NUBPL: variants seen among roughly 807,000 people sequenced by gnomAD.
NUBPL encodes the protein NUBP iron-sulfur cluster assembly factor, mitochondrial, also known as iron-sulfur cluster transfer protein NUBPL.
Under a neutral mutation model 45.7 loss-of-function variants are expected in NUBPL, and 31 were observed. The ratio of observed to expected loss-of-function variants is 0.68; its 90% CI spans 0.51 to 0.92. The LOEUF is 0.92. Among genes scored for constraint, NUBPL ranks in the 40% least tolerant of loss-of-function variants. NUBPL has a pLI of 0.00. For synonymous variants in NUBPL, 144 were observed against 140.9 expected (o/e 1.02, Z -0.15); for missense variants, 401 against 398.7 (o/e 1.01, Z -0.05).
chr14:31,602,406 A>C (rs1415884519), intron 4 of NUBPL, among the ~76,000 whole-genome samples: 1 of 37,798 alleles, frequency 2.6e-5, no homozygotes, highest in Non-Finnish European at 4.2e-5. Context: ...AAAAAAAAAG[A>C]AAAAAAAAGC....
chr14:31,754,696 ATT>A (rs528403331), intron 6 of NUBPL, among the ~76,000 whole-genome samples: 71 of 136,358 alleles, frequency 5.2e-4, no homozygotes, highest in Non-Finnish European at 9.3e-4. Flanking sequence ...CAAAAAAAAA[ATT>A]TTTTTTATTA....
chr14:31,850,730 C>G (rs1419785540), intron 10 of NUBPL, among the ~76,000 whole-genome samples: 2 of 152,032 alleles, frequency 1.3e-5, no homozygotes, highest in Non-Finnish European at 2.9e-5. Context: ...AAGCAATCTT[C>G]GCATCTCACC....
chr14:31,664,469 C>G (rs2036355237), intron 4 of NUBPL, among the ~76,000 whole-genome samples: 1 of 152,128 alleles, frequency 6.6e-6, no homozygotes, highest in East Asian at 1.9e-4. Context: ...TGTTGAAGGT[C>G]TTTTCTGCAT....
chr14:31,790,514 C>T (rs1274362002), intron 7 of NUBPL, among the ~76,000 whole-genome samples: 1 of 152,142 alleles, frequency 6.6e-6, no homozygotes, highest in Non-Finnish European at 1.5e-5. Context: ...CTGTCCATCA[C>T]CAGAGCCTTC....
At chr14:31,710,252 C>T (rs551031680) in intron 6 of NUBPL, among the ~76,000 whole-genome samples, 120 of 152,176 alleles carry the variant, frequency 7.9e-4, no homozygotes, top group East Asian at 2.5e-3. Context: ...CAAAACCGCC[C>T]GCAGATTTGG....
At chr14:31,601,071 C>T (rs1288395467) in intron 4 of NUBPL, among the ~76,000 whole-genome samples, 24 of 152,022 alleles carry the variant, frequency 1.6e-4, no homozygotes, top group Non-Finnish European at 3.2e-4. Context: ...CGTAGATATG[C>T]GGCGTTATTT....
intron 3 of NUBPL, among the ~76,000 whole-genome samples, chr14:31,597,935 TTC>T (rs2034326093): frequency 6.6e-6 from 1 of 152,082 alleles, no homozygotes; most frequent in African/African-American, 2.4e-5. Context: ...AGCTAAATTC[TTC>T]TGTTTGTGGT....
Position 31,640,128 on chromosome 14 carries a change from T to G in NUBPL, c.383-33227T>G, listed in dbSNP as rs1447420684. ...CACTGTCAGGCACTCCCTAGTGAGA[T>G]GAACCCGGTACCTCAGATGGAAATG... On this transcript the variant is annotated intron_variant, in intron 4 of 10. Coordinates refer to ENST00000281081, the MANE Select transcript of NUBPL (RefSeq NM_025152.3). Among the ~76,000 whole-genome samples the G allele has an allele frequency of 4.6e-5, 7 of 152,196 alleles. 1 individual carries two copies.
chr14:31,671,015 A>T (rs536244602), intron 4 of NUBPL, among the ~76,000 whole-genome samples: 28 of 152,218 alleles, frequency 1.8e-4, no homozygotes, highest in African/African-American at 6.7e-4. Context: ...GAAGAATGTC[A>T]TTGGTAGATT....
chr14:31,822,992 TA>T (rs1183317993), intron 7 of NUBPL, among the ~76,000 whole-genome samples: 1 of 152,154 alleles, frequency 6.6e-6, no homozygotes, highest in African/African-American at 2.4e-5. Flanking sequence ...AACATTTTAA[TA>T]AAACTTTTAT....
intron 7 of NUBPL, among the ~76,000 whole-genome samples, chr14:31,808,213 C>G (rs1370293497): frequency 1.3e-5 from 2 of 152,280 alleles, no homozygotes; most frequent in South Asian, 4.2e-4. Flanking sequence ...TTCCCTTGGG[C>G]AGTATGGCCA....
chr14:31,643,429 CTGTTGATGTGATGTATTACA>C, intron 4 of NUBPL, among the ~76,000 whole-genome samples: 1 of 152,134 alleles, frequency 6.6e-6, no homozygotes, highest in African/African-American at 2.4e-5. Context: ...CCTCTTAGTT[CTGTTGATGTGATGTATTACA>C]TGTATTGATT....
intron 6 of NUBPL, among the ~76,000 whole-genome samples, chr14:31,772,881 T>C (rs2039033925): frequency 6.6e-6 from 1 of 152,210 alleles, no homozygotes; most frequent in Admixed American, 6.5e-5. Flanking sequence ...CACCCTTTTT[T>C]CTTTTAGAAA....
intron 6 of NUBPL, among the ~76,000 whole-genome samples, chr14:31,685,390 C>T (rs2036928540): frequency 6.6e-6 from 1 of 151,790 alleles, no homozygotes; most frequent in Admixed American, 6.6e-5. Context: ...GTGTATTCTA[C>T]CTATATAGAG....
At chr14:31,819,671 T>C (rs1417597377) in intron 7 of NUBPL, among the ~76,000 whole-genome samples, 1 of 152,206 alleles carries the variant, frequency 6.6e-6, no homozygotes. Flanking sequence ...ACAATTAATA[T>C]TCTAAATAAT....
At chr14:31,714,773 A>T (rs1185165467) in intron 6 of NUBPL, 1 of 152,208 alleles carries the variant, frequency 6.6e-6, no homozygotes. Context: ...AAAAAGTCCC[A>T]GAGTTGTCTA....
At chr14:31,803,520 G>A (rs1046587274) in intron 7 of NUBPL, among the ~76,000 whole-genome samples, 5 of 152,036 alleles carry the variant, frequency 3.3e-5, no homozygotes, top group African/African-American at 7.2e-5. Context: ...AGGACATTAC[G>A]TTTCCTAATA....
At chr14:31,712,182 G>T (rs554482464) in intron 6 of NUBPL, among the ~76,000 whole-genome samples, 1 of 152,182 alleles carries the variant, frequency 6.6e-6, no homozygotes, top group Non-Finnish European at 1.5e-5. Context: ...TGATTGGTCC[G>T]TTTTGACAGA....
chr14:31,673,039 A>G (rs2036609513), intron 4 of NUBPL, among the ~76,000 whole-genome samples: 1 of 152,244 alleles, frequency 6.6e-6, no homozygotes, highest in African/African-American at 2.4e-5. Context: ...TCTGTTGCGC[A>G]GCATGGTGAC....
Sources: gnomAD v4.1 joint callset for allele counts (sites outside exome capture counted in the v4.1 genomes callset) on GRCh38, gnomAD v4.1.1 for gene constraint, MANE v1.5 for transcripts, NCBI Gene and HGNC (gene_info 2026-07-23, HGNC 2026-07-21) for gene names.